HHIPL1: variants seen among roughly 807,000 people sequenced by gnomAD.
HHIPL1 encodes HHIP-like protein 1.
A neutral mutation model predicts 61.8 loss-of-function variants in HHIPL1; 43 were observed. The observed-to-expected ratio is 0.70, with a 90% CI of 0.55 to 0.90. The LOEUF (loss-of-function observed/expected upper bound fraction) is 0.90. Ranked by LOEUF, HHIPL1 falls within the 40% of genes least tolerant of loss-of-function variation. HHIPL1 has a pLI of 0.00. For missense variants in HHIPL1, 1,056 were observed against 1,157.7 expected (o/e 0.91, Z 1.28); for synonymous variants, 482 against 515.8 (o/e 0.93, Z 0.89).
chr14:99,649,288 C>T (rs1294548611), intron 1 of HHIPL1, among the ~76,000 whole-genome samples: 3 of 152,208 alleles, frequency 2.0e-5, no homozygotes, highest in Admixed American at 6.5e-5. Flanking sequence ...CTCTCGTTGC[C>T]TTCCAGATGT....
In HHIPL1 at chr14:99,668,205, CTT is replaced by C; in HGVS notation, c.1649-15_1649-14del. On this transcript the variant is annotated splice_polypyrimidine_tract_variant and intron_variant, in intron 6 of 8. Coordinates refer to ENST00000330710, the MANE Select transcript of HHIPL1 (RefSeq NM_001127258.3). The surrounding 1 kb of genome is among the most constrained non-coding windows in gnomAD (Gnocchi z 4.7). ...TTCCAGGTGGGGGTCTCACTAGTCA[CTT>C]TGTTCTGTCCAAAGGGGAGCTGTAC... The C allele has an allele frequency of 1.3e-6, 2 of 1,562,738 alleles. No individual in the cohort carries two copies. Among genetic ancestry groups the C allele is most frequent in the Non-Finnish European group, 1.8e-6 (2 of 1,133,302 alleles).
In HHIPL1 at chr14:99,676,442, G is replaced by A; in HGVS notation, c.*816G>A. The A allele has an allele frequency of 6.6e-6, 1 of 152,458 alleles. No homozygotes were observed. The highest frequency in any genetic ancestry group is 1.5e-5 in the Non-Finnish European group (1 of 68,138). 9.4% of individuals were successfully genotyped at this position (152,458 alleles called of 1,614,324 possible). ...GGCAGAAGCCACCCACACTAGCTGG[G>A]CAGAGCTTTCACCCTGGCCCTCCAG... is the stretch of plus-strand genomic sequence containing the variant. On this transcript the variant is annotated 3_prime_UTR_variant, in exon 9 of 9. Transcript: ENST00000330710.
chr14:99,608,147 C>G, the HHIPL1 span, among the ~76,000 whole-genome samples: 1 of 152,002 alleles, frequency 6.6e-6, no homozygotes, highest in Admixed American at 6.6e-5. Flanking sequence ...GACACTATTA[C>G]ACCTTGCAGC....
chr14:99,629,069 T>C, the HHIPL1 span, among the ~76,000 whole-genome samples: 1 of 152,168 alleles, frequency 6.6e-6, no homozygotes, highest in African/African-American at 2.4e-5. Flanking sequence ...GCCCAGCATG[T>C]CCTTCCCAGA....
upstream of HHIPL1, among the ~76,000 whole-genome samples, chr14:99,640,877 CTTTTTTTTTTT>C (rs59137552): frequency 7.2e-5 from 5 of 69,872 alleles, no homozygotes; most frequent in South Asian, 6.0e-4. Flanking sequence ...ACTTCTTCTT[CTTTTTTTTTTT>C]TTTTTTTTTT....
rs780435481 is a variant in HHIPL1 at position 99,652,693 on chromosome 14, C to T, written c.725C>T (p.Ser242Leu). 16 of 1,613,860 alleles carry T rather than the reference C, an allele frequency of 9.9e-6. No individual in the cohort carries two copies. Among genetic ancestry groups the T allele is most frequent in the South Asian group, 3.3e-5 (3 of 91,070 alleles). ...FLNISRVVLT[S>L]PWEGDERGFL... is the part of the protein sequence containing the mutation. ...AACATCAGCCGGGTGGTGCTCACCTCGCCCTGGGAGGGTGACGAGCGTGGC... is the reference window on the plus strand; with the variant it reads ...AACATCAGCCGGGTGGTGCTCACCTTGCCCTGGGAGGGTGACGAGCGTGGC... The change falls in exon 2 of 9, where the codon TCG (serine) becomes TTG (leucine). Residue 242 changes from serine (S) to leucine (L), a missense_variant. Physicochemically the swap from Ser to Leu is moderately radical, Grantham distance 145. Coordinates refer to ENST00000330710, the MANE Select transcript of HHIPL1 (RefSeq NM_001127258.3).
At chr14:99,616,487 T>G in the HHIPL1 span, among the ~76,000 whole-genome samples, 14 of 152,308 alleles carry the variant, frequency 9.2e-5, no homozygotes, top group African/African-American at 3.4e-4. Flanking sequence ...GCCCGAAGCC[T>G]CCTCATCCGT....
In HHIPL1 at chr14:99,645,262, G is replaced by T. The variant is rs934719093; in HGVS notation, c.55G>T (p.Ala19Ser). Residue 19 changes from alanine to serine, a missense_variant, in exon 1 of 9, where the codon GCG becomes TCG. Physicochemically the swap from Ala to Ser is moderately conservative, Grantham distance 99. Coordinates refer to ENST00000330710, the MANE Select transcript of HHIPL1 (RefSeq NM_001127258.3). ...GGCGCTTTGGGTGCTCGGGGCCGCC[G>T]CGCATCCGCAGTGCCTGGACTTCAG... ...LLALWVLGAA[A>S]HPQCLDFRPP... 1.4e-6 allele frequency: 2 copies of T among 1,402,580 alleles called. No individual in the cohort carries two copies. The highest frequency in any genetic ancestry group is 6.2e-5 in the East Asian group (2 of 32,416). The allele number at this position is 1,402,580 out of a possible 1,614,324, so 86.9% of individuals were successfully genotyped here. A position where few individuals can be genotyped will look rare whatever the true frequency, so the allele number is the denominator to read the frequency against.
chr14:99,644,971 C>G, upstream of HHIPL1: 1 of 370,592 alleles, frequency 2.7e-6, no homozygotes, highest in Non-Finnish European at 4.8e-6. Context: ...CCGGGCCACT[C>G]CCATCGAATT....
At chr14:99,637,007 GAAAGAAAGAAAGA>G in the HHIPL1 span, among the ~76,000 whole-genome samples, 3 of 47,972 alleles carry the variant, frequency 6.3e-5, no homozygotes, top group South Asian at 2.3e-3. Context: ...AAAGAAGAAA[GAAAGAAAGAAAGA>G]AAGAAAGAAA....
intron 8 of HHIPL1, 79 bp downstream of exon 8, chr14:99,672,478 C>A: frequency 8.2e-7 from 1 of 1,219,676 alleles, no homozygotes; most frequent in Non-Finnish European, 1.2e-6. Context: ...CAGCCAGACT[C>A]GGGTCTTACC....
rs2056291412 is a variant in HHIPL1 at position 99,668,845 on chromosome 14, A to G, written c.1730+542A>G. ...CTTCCCTTCTAGCTGTAAGGCCAGA[A>G]GCGCCATGCCCGGCTATGTCCCAGC... On this transcript the variant is annotated intron_variant, in intron 7 of 8. Coordinates refer to ENST00000330710, the MANE Select transcript of HHIPL1 (RefSeq NM_001127258.3). This position sits in a 1 kb window ranked among gnomAD's most constrained non-coding sequence, Gnocchi z 4.7. 1.2e-6 allele frequency: 2 copies of G among 1,613,796 alleles called. No homozygotes were observed. The highest frequency in any genetic ancestry group is 2.7e-5 in the African/African-American group (2 of 74,928).
intron 6 of HHIPL1, among the ~76,000 whole-genome samples, chr14:99,667,785 G>C (rs2056269609): frequency 6.6e-6 from 1 of 152,220 alleles, no homozygotes; most frequent in African/African-American, 2.4e-5. Flanking sequence ...CCATTTTAGA[G>C]ATGAGGAAGC....
rs2140059722 is a variant in HHIPL1, at chr14:99,652,327, A to G, written c.359A>G (p.His120Arg). The change falls in exon 2 of 9, where the codon CAT (histidine) becomes CGT (arginine). Residue 120 changes from histidine to arginine, a missense_variant. His to Arg is a conservative substitution (Grantham distance 29). Transcript: ENST00000330710. ...CAGGATTACTGCCTGGACATGTGGC[A>G]TAAGTGCCGGGGGCTGTTCCGTCAC... ...LCQDYCLDMW[H>R]KCRGLFRHLS... is the part of the protein sequence containing the mutation. 1.2e-6 allele frequency: 2 copies of G among 1,614,198 alleles called. No individual in the cohort carries two copies. Among genetic ancestry groups the G allele is most frequent in the East Asian group, 2.2e-5 (1 of 44,882 alleles).
At position 99,660,359 on chromosome 14, in the gene HHIPL1, G is replaced by C; in HGVS notation, c.1455G>C (p.Glu485Asp). 2.5e-6 allele frequency: 4 copies of C among 1,614,128 alleles called. No individual in the cohort carries two copies. In the South Asian group the frequency reaches 3.3e-5, roughly 13 times the overall value. Residue 485 changes from glutamate to aspartate, a missense_variant, in exon 5 of 9, where the codon GAG (glutamate) becomes GAC (aspartate). Coordinates refer to ENST00000330710, the MANE Select transcript of HHIPL1 (RefSeq NM_001127258.3). This position sits in a 1 kb window ranked among gnomAD's most constrained non-coding sequence, Gnocchi z 4.9. Reference sequence around the variant, plus strand: ...GGGGCTACGTGTACCGGGGCTGCGAGTACCCCAACCTGAACGGCCTCTACA... The same window carrying C: ...GGGGCTACGTGTACCGGGGCTGCGACTACCCCAACCTGAACGGCCTCTACA... ...VTGGYVYRGC[E>D]YPNLNGLYIF...
At chr14:99,646,262 G>A (rs931618179) in intron 1 of HHIPL1, among the ~76,000 whole-genome samples, 9 of 152,378 alleles carry the variant, frequency 5.9e-5, no homozygotes, top group African/African-American at 2.2e-4. Context: ...AAATGGAGCA[G>A]GACGGGCAGC....
At chr14:99,637,005 A>AAGAAAGAC in the HHIPL1 span, among the ~76,000 whole-genome samples, 1 of 44,132 alleles carries the variant, frequency 2.3e-5, no homozygotes, top group Admixed American at 3.7e-4. Flanking sequence ...AGAAAGAAGA[A>AAGAAAGAC]AGAAAGAAAG....
At chr14:99,638,842 C>G in the HHIPL1 span, among the ~76,000 whole-genome samples, 1 of 152,210 alleles carries the variant, frequency 6.6e-6, no homozygotes. Context: ...AAAGGACTAG[C>G]TTTGTCTTTG....
the HHIPL1 span, among the ~76,000 whole-genome samples, chr14:99,623,275 G>C: frequency 6.6e-6 from 1 of 152,206 alleles, no homozygotes; most frequent in Admixed American, 6.5e-5. Context: ...ACCCTTTAAG[G>C]CTGGCTCTGA....
Sources: gnomAD v4.1 joint callset for allele counts (sites outside exome capture counted in the v4.1 genomes callset) on GRCh38, gnomAD v4.1.1 for gene constraint, Gnocchi (gnomAD v3.1) non-coding constraint, MANE v1.5 for transcripts, NCBI Gene and HGNC (gene_info 2026-07-23, HGNC 2026-07-21) for gene names.